The following SIGIRR variants were observed in gnomAD, a reference collection of about 807,000 sequenced individuals.
SIGIRR encodes the protein single Ig IL-1-related receptor.
In SIGIRR, 41 loss-of-function variants were observed where a neutral mutation model predicts 45.6. The observed-to-expected ratio is 0.90, with a 90% CI of 0.70 to 1.17. SIGIRR has a LOEUF of 1.17. Ranked by LOEUF, SIGIRR falls within the 50% of genes most tolerant of loss-of-function variation. The pLI, the probability that SIGIRR is intolerant of heterozygous loss-of-function variation, is 0.00. For synonymous variants in SIGIRR, 298 were observed against 239.0 expected (o/e 1.25, Z -2.28); for missense variants, 599 against 539.6 (o/e 1.11, Z -1.09).
Position 405,893 on chromosome 11 carries a change from G to T in SIGIRR, c.*3C>A, listed in dbSNP as rs377713530. 1 of 1,591,418 alleles carries T rather than the reference G, an allele frequency of 6.3e-7. No homozygotes were observed. Among genetic ancestry groups the T allele is most frequent in the South Asian group, 1.1e-5 (1 of 88,860 alleles). The stretch of plus-strand genomic sequence containing the variant: ...CCTATGATCCTGCACTCTGGGGTGG[G>T]AGCTACATATCATCCTTGGACACCA... On this transcript the variant is annotated 3_prime_UTR_variant, in exon 10 of 10. Transcript: ENST00000431843.
Position 406,031 on chromosome 11 carries a change from T to C in SIGIRR, c.1098A>G (p.Pro366=). Residue 366 remains proline, a synonymous_variant, in exon 10 of 10, where the codon CCA becomes CCG. Coordinates refer to ENST00000431843, the MANE Select transcript of SIGIRR (RefSeq NM_001135054.2). ...LGVRGPVFGE[P]SAPPHTSGVS... ...CCCCACTGGTGTGCGGTGGAGCTGATGGCTCTCCAAAGACAGGCCCCCGGA... is the reference window on the plus strand; with the variant it reads ...CCCCACTGGTGTGCGGTGGAGCTGACGGCTCTCCAAAGACAGGCCCCCGGA... 6 of 1,602,478 alleles carry C rather than the reference T, an allele frequency of 3.7e-6. No homozygotes were observed. The highest frequency in any genetic ancestry group is 4.3e-6 in the Non-Finnish European group (5 of 1,175,370).
At chr11:416,172 A>G (rs1847875035), upstream of SIGIRR, among the ~76,000 whole-genome samples, 1 of 152,086 alleles carries the variant, frequency 6.6e-6, no homozygotes, top group African/African-American at 2.4e-5. This position sits in a 1 kb window ranked among gnomAD's most constrained non-coding sequence, Gnocchi z 9.1. Context: ...ACTGCAGGTC[A>G]GGAAGCAGGC....
At chr11:410,498 T>TG (rs1847537990) in intron 1 of SIGIRR, among the ~76,000 whole-genome samples, 2 of 99,712 alleles carry the variant, frequency 2.0e-5, no homozygotes, top group African/African-American at 4.1e-5. Context: ...ATACAGTCGG[T>TG]GGGGGGTGCT....
At chr11:415,677 TG>T (rs1847862749), upstream of SIGIRR, among the ~76,000 whole-genome samples, 1 of 152,184 alleles carries the variant, frequency 6.6e-6, no homozygotes, top group Admixed American at 6.5e-5. This position sits in a 1 kb window ranked among gnomAD's most constrained non-coding sequence, Gnocchi z 6.6. Context: ...CCCTTCAGGC[TG>T]GGGTGGGAGG....
chr11:416,573 G>C (rs879278486), upstream of SIGIRR, among the ~76,000 whole-genome samples: 5 of 152,236 alleles, frequency 3.3e-5, no homozygotes, highest in African/African-American at 4.8e-5. This position sits in a 1 kb window ranked among gnomAD's most constrained non-coding sequence, Gnocchi z 9.1. Context: ...CAGCGTCCTC[G>C]GTCCGCGGCC....
intron 1 of SIGIRR, among the ~76,000 whole-genome samples, chr11:410,738 G>A (rs1362339016): frequency 4.7e-4 from 33 of 70,662 alleles, no homozygotes; most frequent in African/African-American, 6.7e-4. Context: ...ATGTCTGGAT[G>A]CAGTCGGGGG....
At chr11:406,195 C>A in intron 9 of SIGIRR, 136 bp from the exon 10 acceptor site, 1 of 1,537,938 alleles carries the variant, frequency 6.5e-7, no homozygotes, top group Middle Eastern at 1.7e-4. Context: ...GACCGAGGGC[C>A]GAGCACCTCC....
At chr11:416,819 G>A (rs906538423), upstream of SIGIRR, among the ~76,000 whole-genome samples, 28 of 152,146 alleles carry the variant, frequency 1.8e-4, no homozygotes, top group African/African-American at 6.5e-4. This position sits in a 1 kb window ranked among gnomAD's most constrained non-coding sequence, Gnocchi z 9.1. Flanking sequence ...GGAGAACGAG[G>A]ACGCGCGCGG....
chr11:413,637 TCTGCACCCTCTCCG>T (rs1847768847), intron 1 of SIGIRR, among the ~76,000 whole-genome samples: 3 of 150,058 alleles, frequency 2.0e-5, no homozygotes, highest in African/African-American at 4.9e-5. Context: ...CAAACCCTCC[TCTGCACCCTCTCCG>T]CTGCCTGCCT....
At chr11:415,614 A>T (rs1482628345), upstream of SIGIRR, among the ~76,000 whole-genome samples, 1 of 152,098 alleles carries the variant, frequency 6.6e-6, no homozygotes, top group East Asian at 1.9e-4. This position sits in a 1 kb window ranked among gnomAD's most constrained non-coding sequence, Gnocchi z 6.6. Flanking sequence ...TCCCAGACAT[A>T]GCTCCCCCGA....
At chr11:407,387 C>G (rs765181721) in intron 6 of SIGIRR, 38 bp downstream of exon 6, 43 of 1,324,374 alleles carry the variant, frequency 3.2e-5, no homozygotes, top group Non-Finnish European at 3.0e-6. Flanking sequence ...GGGGCGGGCC[C>G]TCCGGGTGGG....
rs770657877 is a variant in SIGIRR, at chr11:409,985, G to A, written c.-111C>T. The A allele has an allele frequency of 5.9e-5, 74 of 1,248,260 alleles. No homozygotes were observed. The highest frequency in any genetic ancestry group is 7.8e-5 in the African/African-American group (5 of 64,476). 77.3% of individuals were successfully genotyped at this position (1,248,260 alleles called of 1,614,324 possible). A position where few individuals can be genotyped will look rare whatever the true frequency, so the allele number is the denominator to read the frequency against. On this transcript the variant is annotated 5_prime_UTR_variant, in exon 2 of 10. Coordinates refer to ENST00000431843, the MANE Select transcript of SIGIRR (RefSeq NM_001135054.2). ...CAAGAGCTGGGCAGGACTCCTCTCT[G>A]TCCTTGCAGTCAGCTGGACAGGGCA...
intron 1 of SIGIRR, among the ~76,000 whole-genome samples, chr11:413,307 C>T (rs1439752858): frequency 3.9e-5 from 6 of 152,100 alleles, no homozygotes; most frequent in Admixed American, 2.0e-4. Context: ...ATGAGGCACA[C>T]ACCCATGGGG....
At chr11:413,966 T>C (rs1847795711) in intron 1 of SIGIRR, among the ~76,000 whole-genome samples, 1 of 126,478 alleles carries the variant, frequency 7.9e-6, no homozygotes, top group African/African-American at 3.1e-5. Flanking sequence ...CCCTGTACTC[T>C]CGTCTGCCTA....
At chr11:406,761 G>A (rs1357886192) in intron 8 of SIGIRR, 82 bp downstream of exon 8, 1 of 1,439,998 alleles carries the variant, frequency 6.9e-7, no homozygotes, top group Non-Finnish European at 9.1e-7. Context: ...AGCTCCCCAC[G>A]GAGGGGTCCC....
In SIGIRR at chr11:407,134, C is replaced by A. The variant is rs757577473; in HGVS notation, c.656G>T (p.Ser219Ile). 3.9e-6 allele frequency: 6 copies of A among 1,552,110 alleles called. No homozygotes were observed. The East Asian group carries it at 1.3e-4, about 32-fold the overall frequency. Residue 219 changes from serine to isoleucine, a missense_variant, in exon 7 of 10, where the codon AGC becomes ATC. Transcript: ENST00000431843. ...CACCACGATGAGGCGTCGGCAGCGG[C>A]TCAGGTTCACCAAGAGGTCGGCGGA... ...EPSADLLVNL[S>I]RCRRLIVVLS...
chr11:408,983 C>A, intron 2 of SIGIRR, 90 bp from the exon 3 acceptor site: 1 of 1,221,120 alleles, frequency 8.2e-7, no homozygotes. Context: ...AGAAATAAGG[C>A]CTCTGTGTGG....
chr11:408,296 C>A lies in SIGIRR; in HGVS notation c.207-90G>T, dbSNP rs939390813. The A allele has an allele frequency of 7.3e-6, 11 of 1,513,034 alleles. No individual in the cohort carries two copies. The African/African-American group carries it at 9.7e-5, about 13-fold the overall frequency. 93.7% of individuals were successfully genotyped at this position (1,513,034 alleles called of 1,614,324 possible). A position where few individuals can be genotyped will look rare whatever the true frequency, so the allele number is the denominator to read the frequency against. ...TGTCTGGGTTCACCCAGGGAGGCTG[C>A]AGAATTGGGCCTCCTGGGTGGTTCT... On this transcript the variant is annotated intron_variant, in intron 3 of 9. Transcript: ENST00000431843.
chr11:409,525 GA>G (rs1239520316), intron 2 of SIGIRR: 1 of 372,328 alleles, frequency 2.7e-6, no homozygotes, highest in South Asian at 8.3e-5. Flanking sequence ...GCCCTAGCGG[GA>G]GGTCAAACCA....
Sources: gnomAD v4.1 joint callset for allele counts (sites outside exome capture counted in the v4.1 genomes callset) on GRCh38, gnomAD v4.1.1 for gene constraint, Gnocchi (gnomAD v3.1) non-coding constraint, MANE v1.5 for transcripts, NCBI Gene and HGNC (gene_info 2026-07-23, HGNC 2026-07-21) for gene names.